Variants in DSCAML1 observed in about 807,000 individuals in gnomAD.
DSCAML1 encodes DS cell adhesion molecule like 1, also known as cell adhesion molecule DSCAML1.
In DSCAML1, 38 loss-of-function variants were observed where a neutral mutation model predicts 200.5. The ratio of observed to expected loss-of-function variants is 0.19; its 90% confidence interval spans 0.15 to 0.25. The LOEUF (loss-of-function observed/expected upper bound fraction) is 0.25, where lower values mean the gene tolerates loss of function less well. DSCAML1 is among the 10% of genes least tolerant of loss of function. The pLI, the probability that DSCAML1 is intolerant of heterozygous loss-of-function variation, is 1.00. For synonymous variants in DSCAML1, 1,215 were observed against 1,165.0 expected (o/e 1.04, Z -0.87); for missense variants, 2,223 against 2,858.8 (o/e 0.78, Z 5.07).
intron 3 of DSCAML1, among the ~76,000 whole-genome samples, chr11:117,546,817 C>T (rs1389602707): frequency 6.6e-6 from 1 of 152,126 alleles, no homozygotes; most frequent in East Asian, 1.9e-4. Context: ...GATTAGCACA[C>T]ATCTCTCATC....
intron 1 of DSCAML1, among the ~76,000 whole-genome samples, chr11:117,815,860 T>TC (rs1166148971): frequency 6.6e-6 from 1 of 150,822 alleles, no homozygotes; most frequent in Non-Finnish European, 1.5e-5. Context: ...ACCCTAAGTC[T>TC]CCCTAAATTC....
chr11:117,708,118 C>T (rs2053785348), intron 3 of DSCAML1, among the ~76,000 whole-genome samples: 1 of 152,168 alleles, frequency 6.6e-6, no homozygotes, highest in Non-Finnish European at 1.5e-5. Flanking sequence ...TTCCTGTACC[C>T]CCCACACACC....
At chr11:117,488,590 CAACA>C (rs749876547) in intron 11 of DSCAML1, among the ~76,000 whole-genome samples, 4 of 152,082 alleles carry the variant, frequency 2.6e-5, no homozygotes, top group East Asian at 1.9e-4. Flanking sequence ...AAACACACCT[CAACA>C]GACAGTCACA....
chr11:117,751,782 G>A (rs2054609803), intron 3 of DSCAML1, among the ~76,000 whole-genome samples: 1 of 152,184 alleles, frequency 6.6e-6, no homozygotes, highest in Non-Finnish European at 1.5e-5. Context: ...AACAGGAGTT[G>A]CAGATATTGA....
intron 29 of DSCAML1, 27 bp downstream of exon 29, chr11:117,433,111 A>C: frequency 6.3e-7 from 1 of 1,592,310 alleles, no homozygotes; most frequent in South Asian, 1.1e-5. Flanking sequence ...CCAGCAGGAC[A>C]GGGAACTTGT....
At chr11:117,759,228 C>G (rs1421743851) in intron 3 of DSCAML1, among the ~76,000 whole-genome samples, 1 of 152,146 alleles carries the variant, frequency 6.6e-6, no homozygotes, top group Non-Finnish European at 1.5e-5. Context: ...TCCAAGGCCC[C>G]CTATAGCCCT....
intron 4 of DSCAML1, among the ~76,000 whole-genome samples, chr11:117,531,855 C>T (rs2050081171): frequency 6.8e-6 from 1 of 147,370 alleles, no homozygotes; most frequent in African/African-American, 2.5e-5. Context: ...CATTGCACTC[C>T]AGCCTGGGCA....
chr11:117,520,248 C>T (rs568873310), intron 6 of DSCAML1, among the ~76,000 whole-genome samples: 3 of 152,174 alleles, frequency 2.0e-5, no homozygotes, highest in South Asian at 2.1e-4. Flanking sequence ...GGCTGGGCAA[C>T]GTGTGCAGTG....
chr11:117,485,258 G>GT (rs1022731759), intron 11 of DSCAML1, among the ~76,000 whole-genome samples: 1 of 152,186 alleles, frequency 6.6e-6, no homozygotes, highest in Admixed American at 6.5e-5. Context: ...GTTCAGCCCT[G>GT]TGGGCAGCCA....
intron 3 of DSCAML1, among the ~76,000 whole-genome samples, chr11:117,680,566 A>G (rs1007007237): frequency 6.6e-6 from 1 of 152,208 alleles, no homozygotes; most frequent in African/African-American, 2.4e-5. Context: ...GAACTGACTC[A>G]GGCTGGGGTC....
At chr11:117,693,151 T>G (rs2053528801) in intron 3 of DSCAML1, among the ~76,000 whole-genome samples, 1 of 152,216 alleles carries the variant, frequency 6.6e-6, no homozygotes, top group Non-Finnish European at 1.5e-5. Flanking sequence ...GCCGTGGCAT[T>G]TCAGCAGCCA....
At chr11:117,455,496 G>T (rs538450776) in intron 19 of DSCAML1, among the ~76,000 whole-genome samples, 1 of 152,338 alleles carries the variant, frequency 6.6e-6, no homozygotes, top group Non-Finnish European at 1.5e-5. Flanking sequence ...GGTATTCACA[G>T]GGGGAGGTTG....
At chr11:117,661,509 C>G (rs531229844) in intron 3 of DSCAML1, among the ~76,000 whole-genome samples, 15 of 152,136 alleles carry the variant, frequency 9.9e-5, no homozygotes, top group Non-Finnish European at 1.9e-4. Context: ...TTTGCAAGGT[C>G]GTAACTAGAG....
At position 117,471,886 on chromosome 11, in the gene DSCAML1, A is replaced by G; in HGVS notation, c.2936T>C (p.Ile979Thr). 6.2e-7 allele frequency: 1 copy of G among 1,611,792 alleles called. No individual in the cohort carries two copies. The highest frequency in any genetic ancestry group is 2.2e-5 in the East Asian group (1 of 44,860). Residue 979 changes from isoleucine to threonine, a missense_variant, in exon 15 of 33, where the codon ATC becomes ACC. Ile to Thr is a moderately conservative substitution (Grantham distance 89, BLOSUM62 -1). Transcript: ENST00000651296. ...GTGCTCACCGGCCTCCTCAGTGCTG[A>G]TGGTGAGCTCCTTGCTTGGTTCACT... The part of the protein sequence containing the change: ...GRSEPSKELT[I>T]STEEAAPDGP...
intron 3 of DSCAML1, among the ~76,000 whole-genome samples, chr11:117,637,588 G>A (rs1234702799): frequency 2.6e-5 from 4 of 152,050 alleles, no homozygotes; most frequent in Non-Finnish European, 4.4e-5. Flanking sequence ...CTGGTGATCC[G>A]CCCATCTCGG....
chr11:117,658,436 T>C (rs2052775788), intron 3 of DSCAML1, among the ~76,000 whole-genome samples: 1 of 152,236 alleles, frequency 6.6e-6, no homozygotes, highest in South Asian at 2.1e-4. Context: ...CCCGGAAAGC[T>C]GTGGCTTGCC....
chr11:117,746,765 A>G (rs1037962071), intron 3 of DSCAML1, among the ~76,000 whole-genome samples: 7 of 152,098 alleles, frequency 4.6e-5, no homozygotes, highest in African/African-American at 1.7e-4. Flanking sequence ...AGGCCTTTGC[A>G]ACACACTGTT....
intron 6 of DSCAML1, among the ~76,000 whole-genome samples, chr11:117,519,454 G>A (rs1039799021): frequency 9.2e-5 from 14 of 152,224 alleles, no homozygotes; most frequent in Admixed American, 8.5e-4. Flanking sequence ...CGTGGAACAC[G>A]GGGATGTAAT....
chr11:117,524,746 C>T lies in DSCAML1; in HGVS notation c.937+59G>A, dbSNP rs902573646. 123 of 1,530,488 alleles carry T rather than the reference C, an allele frequency of 8.0e-5. No individual in the cohort carries two copies. The Admixed American group carries it at 1.7e-3, about 21-fold the overall frequency. 94.8% of individuals were successfully genotyped at this position (1,530,488 alleles called of 1,614,324 possible). A position where few individuals can be genotyped will look rare whatever the true frequency, so the allele number is the denominator to read the frequency against. On this transcript the variant is annotated intron_variant, in intron 5 of 32. Transcript: ENST00000651296. ...CCAGCTGTCGGCCACACTCCTCCCC[C>T]GACCCCTGAGGCGCCCTCAGAGGTT...
Sources: gnomAD v4.1 joint callset for allele counts (sites outside exome capture counted in the v4.1 genomes callset) on GRCh38, gnomAD v4.1.1 for gene constraint, MANE v1.5 for transcripts, NCBI Gene and HGNC (gene_info 2026-07-23, HGNC 2026-07-21) for gene names.